KCNH8: variants seen among roughly 807,000 people sequenced by gnomAD.
The protein encoded by KCNH8 is potassium voltage-gated channel subfamily H member 8.
Under a neutral mutation model 103.6 loss-of-function variants are expected in KCNH8, and 70 were observed. That is an observed-to-expected ratio of 0.68 (90% CI 0.56 to 0.82). The LOEUF (loss-of-function observed/expected upper bound fraction) is 0.82, where lower values mean the gene tolerates loss of function less well. Among genes scored for constraint, KCNH8 ranks in the 40% least tolerant of loss-of-function variants. The pLI, the probability that KCNH8 is intolerant of heterozygous loss-of-function variation, is 0.00. For missense variants in KCNH8, 1,217 were observed against 1,329.9 expected, an observed-to-expected ratio of 0.92 and a Z score of 1.32; for synonymous variants, 498 against 489.4, an observed-to-expected ratio of 1.02 and a Z score of -0.23.
intron 1 of KCNH8, among the ~76,000 whole-genome samples, chr3:19,156,976 TTTTTTTAAAA>T (rs1253101089): frequency 1.3e-5 from 2 of 150,814 alleles, no homozygotes; most frequent in African/African-American, 5.0e-5. Context: ...CTTTTTTTTT[TTTTTTTAAAA>T]AAAAGGTTTT....
At chr3:19,491,681 C>T (rs2068325209) in intron 11 of KCNH8, among the ~76,000 whole-genome samples, 3 of 152,148 alleles carry the variant, frequency 2.0e-5, no homozygotes, top group Non-Finnish European at 4.4e-5. Context: ...ATGTAGTGAT[C>T]TATTTTCCTT....
chr3:19,318,232 T>C (rs907524678), intron 3 of KCNH8, among the ~76,000 whole-genome samples: 11 of 152,054 alleles, frequency 7.2e-5, no homozygotes, highest in African/African-American at 2.4e-4. Flanking sequence ...ATTTTCACAT[T>C]GCTATAAAGA....
chr3:19,182,847 G>T (rs1428424307), intron 1 of KCNH8, among the ~76,000 whole-genome samples: 1 of 152,072 alleles, frequency 6.6e-6, no homozygotes, highest in Admixed American at 6.6e-5. Flanking sequence ...TATTTTTTTC[G>T]TGAGAAATGC....
intron 1 of KCNH8, among the ~76,000 whole-genome samples, chr3:19,163,945 T>C (rs1327142302): frequency 1.3e-5 from 2 of 152,234 alleles, no homozygotes; most frequent in Non-Finnish European, 2.9e-5. Context: ...ACAAAATACA[T>C]GTTAATTGAC....
chr3:19,211,369 C>T (rs1314112926), intron 1 of KCNH8, among the ~76,000 whole-genome samples: 2 of 152,076 alleles, frequency 1.3e-5, no homozygotes, highest in Admixed American at 1.3e-4. Flanking sequence ...TCAGGGCAGG[C>T]TTCATGGAAG....
At chr3:19,293,940 G>A (rs1247842683) in intron 3 of KCNH8, among the ~76,000 whole-genome samples, 1 of 152,146 alleles carries the variant, frequency 6.6e-6, no homozygotes, top group Non-Finnish European at 1.5e-5. Context: ...TAGCATTCTT[G>A]CTGTTTCAAA....
chr3:19,470,608 G>A (rs183013992), intron 11 of KCNH8, among the ~76,000 whole-genome samples: 2 of 152,296 alleles, frequency 1.3e-5, no homozygotes, highest in Non-Finnish European at 1.5e-5. Flanking sequence ...GGGCTTCAAG[G>A]ATGAAGAGAG....
At chr3:19,459,956 GTCTC>G (rs34994157) in intron 11 of KCNH8, among the ~76,000 whole-genome samples, 27 of 147,434 alleles carry the variant, frequency 1.8e-4, no homozygotes, top group Middle Eastern at 3.2e-3. Context: ...CTCTTTTTCT[GTCTC>G]TCTCTCTCTC....
At chr3:19,303,160 A>T (rs559562398) in intron 3 of KCNH8, among the ~76,000 whole-genome samples, 3 of 152,300 alleles carry the variant, frequency 2.0e-5, no homozygotes, top group African/African-American at 7.2e-5. Context: ...AATGATGAAT[A>T]TTTCTATTTA....
At chr3:19,287,506 C>A (rs1043731987) in intron 3 of KCNH8, among the ~76,000 whole-genome samples, 1 of 152,126 alleles carries the variant, frequency 6.6e-6, no homozygotes, top group African/African-American at 2.4e-5. Flanking sequence ...GCTCTTAGCT[C>A]AAGTAAGTAG....
chr3:19,434,702 A>AT (rs200297145), intron 7 of KCNH8, among the ~76,000 whole-genome samples: 2 of 152,118 alleles, frequency 1.3e-5, no homozygotes, highest in South Asian at 4.1e-4. Flanking sequence ...TAGTAAGAGT[A>AT]TTTTTTTATG....
intron 4 of KCNH8, among the ~76,000 whole-genome samples, chr3:19,346,206 T>C (rs1247837674): frequency 2.0e-5 from 3 of 152,078 alleles, no homozygotes; most frequent in Non-Finnish European, 2.9e-5. Flanking sequence ...AGAAGATTAA[T>C]GGTTATAGAC....
intron 2 of KCNH8, among the ~76,000 whole-genome samples, chr3:19,280,409 C>T (rs1473477752): frequency 6.6e-6 from 1 of 152,062 alleles, no homozygotes; most frequent in Non-Finnish European, 1.5e-5. Flanking sequence ...ACTCCCAGAC[C>T]TGAATGCCTT....
chr3:19,239,256 G>A (rs1351895128), intron 1 of KCNH8, among the ~76,000 whole-genome samples: 1 of 151,686 alleles, frequency 6.6e-6, no homozygotes, highest in Non-Finnish European at 1.5e-5. Context: ...CCATCCTTTA[G>A]TTATGCCATA....
At chr3:19,159,316 A>G (rs535068342) in intron 1 of KCNH8, among the ~76,000 whole-genome samples, 131 of 151,846 alleles carry the variant, frequency 8.6e-4, no homozygotes, top group Admixed American at 3.5e-3. Flanking sequence ...GTAAAAATAT[A>G]TATACACACA....
Position 19,451,324 on chromosome 3 carries a change from G to C in KCNH8, c.1745G>C (p.Gly582Ala). The C allele has an allele frequency of 6.2e-7, 1 of 1,613,840 alleles. No individual in the cohort carries two copies. The highest frequency in any genetic ancestry group is 8.5e-7 in the Non-Finnish European group (1 of 1,179,832). ...CAPGEYLLRQ[G>A]DALQAIYFVC... ...CCGGGGGAGTATCTGCTGCGTCAAGGGGATGCTTTGCAGGCCATCTACTTT... is the reference window on the plus strand; with the variant it reads ...CCGGGGGAGTATCTGCTGCGTCAAGCGGATGCTTTGCAGGCCATCTACTTT... The change falls in exon 10 of 16, where the codon GGG (glycine) becomes GCG (alanine). Residue 582 changes from glycine (G) to alanine (A), a missense_variant. Transcript: ENST00000328405.
At chr3:19,356,357 T>C (rs1054823386) in intron 5 of KCNH8, among the ~76,000 whole-genome samples, 3 of 151,976 alleles carry the variant, frequency 2.0e-5, no homozygotes, top group Non-Finnish European at 4.4e-5. Context: ...AATGCTCTTT[T>C]GGGGAGATAG....
At chr3:19,303,027 A>G (rs9861761) in intron 3 of KCNH8, among the ~76,000 whole-genome samples, 54 of 152,280 alleles carry the variant, frequency 3.5e-4, no homozygotes, top group Middle Eastern at 3.4e-3. Flanking sequence ...AACTCCATCC[A>G]TACCGAACCT....
At chr3:19,506,381 T>C (rs1182872402) in intron 11 of KCNH8, among the ~76,000 whole-genome samples, 1 of 152,230 alleles carries the variant, frequency 6.6e-6, no homozygotes, top group Non-Finnish European at 1.5e-5. Flanking sequence ...GGCCTTTATT[T>C]TTAGCTGAGC....
Sources: gnomAD v4.1 joint callset for allele counts (sites outside exome capture counted in the v4.1 genomes callset) on GRCh38, gnomAD v4.1.1 for gene constraint, MANE v1.5 for transcripts, NCBI Gene and HGNC (gene_info 2026-07-23, HGNC 2026-07-21) for gene names.